The following SLC5A4 variants were observed in gnomAD, a reference collection of about 807,000 sequenced individuals.
SLC5A4 encodes solute carrier family 5 member 4, also known as probable glucose sensor protein SLC5A4.
Under a neutral mutation model 70.3 loss-of-function variants are expected in SLC5A4, and 55 were observed. The ratio of observed to expected loss-of-function variants is 0.78; its 90% CI spans 0.63 to 0.98. The LOEUF (loss-of-function observed/expected upper bound fraction) is 0.98. Ranked by LOEUF, SLC5A4 falls within the 50% of genes least tolerant of loss-of-function variation. The probability of loss-of-function intolerance (pLI) is 0.00; values close to 1 mark genes in which losing one functional copy is unlikely to be tolerated. For synonymous variants in SLC5A4, 268 were observed against 305.7 expected, an observed-to-expected ratio of 0.88 and a Z score of 1.29; for missense variants, 735 against 839.2, an observed-to-expected ratio of 0.88 and a Z score of 1.53.
chr22:32,326,136 CAG>C, the SLC5A4 span, among the ~76,000 whole-genome samples: 8 of 152,320 alleles, frequency 5.3e-5, no homozygotes, highest in African/African-American at 1.7e-4. Context: ...CAGACAAAAG[CAG>C]AGGAGTCATG....
chr22:32,339,712 C>T, the SLC5A4 span, among the ~76,000 whole-genome samples: 203 of 152,316 alleles, frequency 1.3e-3, 2 homozygotes, highest in Admixed American at 8.4e-3. Flanking sequence ...AAAAGACAAA[C>T]CCCGAGAGCA....
At chr22:32,302,705 G>T in the SLC5A4 span, among the ~76,000 whole-genome samples, 24 of 152,208 alleles carry the variant, frequency 1.6e-4, no homozygotes, top group South Asian at 5.0e-3. Context: ...ACAAAACTAC[G>T]TAGACTTGAT....
the SLC5A4 span, among the ~76,000 whole-genome samples, chr22:32,286,367 TTC>T: frequency 2.0e-5 from 3 of 152,182 alleles, no homozygotes; most frequent in Non-Finnish European, 4.4e-5. Context: ...GCCTCCTTTA[TTC>T]TGTTTCCCTT....
chr22:32,273,791 ACAAG>A, the SLC5A4 span, among the ~76,000 whole-genome samples: 3 of 150,950 alleles, frequency 2.0e-5, no homozygotes, highest in South Asian at 6.2e-4. Flanking sequence ...AAACAAACAA[ACAAG>A]CAAACAAAAA....
chr22:32,316,257 A>G, the SLC5A4 span, among the ~76,000 whole-genome samples: 3 of 149,188 alleles, frequency 2.0e-5, no homozygotes, highest in Non-Finnish European at 3.0e-5. Context: ...GCATTTTACC[A>G]TAATTTTAAA....
At chr22:32,305,476 A>C in the SLC5A4 span, among the ~76,000 whole-genome samples, 1 of 149,008 alleles carries the variant, frequency 6.7e-6, no homozygotes, top group Non-Finnish European at 1.5e-5. Context: ...GGAGAAAAAC[A>C]GTATTTGCCA....
At chr22:32,313,261 T>C in the SLC5A4 span, among the ~76,000 whole-genome samples, 2 of 152,348 alleles carry the variant, frequency 1.3e-5, no homozygotes, top group South Asian at 4.1e-4. Context: ...ACTAGGGTAA[T>C]TATATGTCAT....
chr22:32,251,828 A>G lies in SLC5A4; in HGVS notation c.254T>C (p.Val85Ala). 2 of 1,614,046 alleles carry G rather than the reference A, an allele frequency of 1.2e-6. No individual in the cohort carries two copies. Among genetic ancestry groups the G allele is most frequent in the Non-Finnish European group, 1.7e-6 (2 of 1,179,928 alleles). The change falls in exon 3 of 15, where the codon GTG becomes GCG. Residue 85 changes from valine to alanine, a missense_variant. Physicochemically the swap from Val to Ala is moderately conservative, Grantham distance 64 (BLOSUM62 0). Transcript: ENST00000266086. ...AGCTGCTCCTGTCCCAGCCAGCCCCACATAGTGGTTGCTGCCGATGTTACT... is the reference window on the plus strand; with the variant it reads ...AGCTGCTCCTGTCCCAGCCAGCCCCGCATAGTGGTTGCTGCCGATGTTACT... Reference protein sequence around the residue: ...FASNIGSNHYVGLAGTGAASG... With the variant: ...FASNIGSNHYAGLAGTGAASG...
Position 32,218,737 on chromosome 22 carries a change from A to G in SLC5A4, c.1769-12T>C, listed in dbSNP as rs1385725723. ...TTTCTCAGGATAATCTGGAACAAAG[A>G]TAAGCAAATGATTGCAGAAGATCTA... On this transcript the variant is annotated splice_polypyrimidine_tract_variant and intron_variant, in intron 14 of 14. Coordinates refer to ENST00000266086, the MANE Select transcript of SLC5A4 (RefSeq NM_014227.3). The G allele has an allele frequency of 1.9e-6, 3 of 1,600,572 alleles. No homozygotes were observed. Among genetic ancestry groups the G allele is most frequent in the Non-Finnish European group, 2.6e-6 (3 of 1,167,868 alleles).
chr22:32,264,527 T>C, the SLC5A4 span, among the ~76,000 whole-genome samples: 2 of 152,258 alleles, frequency 1.3e-5, no homozygotes, highest in Admixed American at 6.5e-5. Flanking sequence ...GCCATGATTA[T>C]GCCACTGCAT....
At chr22:32,233,427 A>C (rs1042014637) in intron 8 of SLC5A4, among the ~76,000 whole-genome samples, 1 of 152,238 alleles carries the variant, frequency 6.6e-6, no homozygotes, top group Non-Finnish European at 1.5e-5. Flanking sequence ...GCTTAGGAAG[A>C]TACTGAAGGC....
upstream of SLC5A4, chr22:32,255,400 C>G: frequency 6.5e-7 from 1 of 1,547,090 alleles, no homozygotes; most frequent in Non-Finnish European, 8.9e-7. Flanking sequence ...AATGATCAGC[C>G]TCAGGCAGGT....
chr22:32,270,581 T>A, the SLC5A4 span: 1 of 729,888 alleles, frequency 1.4e-6, no homozygotes, highest in Non-Finnish European at 2.5e-6. Context: ...CAGGAGATCA[T>A]GGAGCTGGAC....
chr22:32,309,309 C>T, the SLC5A4 span, among the ~76,000 whole-genome samples: 1,140 of 152,312 alleles, frequency 7.5e-3, 15 homozygotes, highest in Non-Finnish European at 1.0e-2. Flanking sequence ...CTTACAAACG[C>T]GGTAGTTCTG....
the SLC5A4 span, among the ~76,000 whole-genome samples, chr22:32,340,831 C>A: frequency 2.6e-5 from 4 of 152,128 alleles, no homozygotes; most frequent in African/African-American, 9.7e-5. Context: ...GCAAAGGAGA[C>A]CATCGGCACG....
At chr22:32,238,933 G>A in intron 6 of SLC5A4, 52 bp downstream of exon 6, 1 of 1,224,886 alleles carries the variant, frequency 8.2e-7, no homozygotes, top group Admixed American at 1.7e-5. Context: ...TGCAGGTTGG[G>A]GTGGGATCAG....
chr22:32,239,530 AT>A, intron 5 of SLC5A4, among the ~76,000 whole-genome samples: 1 of 8,840 alleles, frequency 1.1e-4, no homozygotes, highest in South Asian at 3.2e-3. Context: ...ATATATATAT[AT>A]ATATATATAT....
chr22:32,271,057 ATCCCTCTTC>A, the SLC5A4 span: 14 of 573,068 alleles, frequency 2.4e-5, no homozygotes, highest in South Asian at 2.5e-4. Flanking sequence ...GGGATTTGGG[ATCCCTCTTC>A]AGTCCCAGCA....
At chr22:32,308,463 GAGTC>G in the SLC5A4 span, among the ~76,000 whole-genome samples, 5 of 111,264 alleles carry the variant, frequency 4.5e-5, no homozygotes, top group African/African-American at 6.2e-5. Flanking sequence ...GCCTGTGGGG[GAGTC>G]AGTGTCAGGC....
Sources: gnomAD v4.1 joint callset for allele counts (sites outside exome capture counted in the v4.1 genomes callset) on GRCh38, gnomAD v4.1.1 for gene constraint, MANE v1.5 for transcripts, NCBI Gene and HGNC (gene_info 2026-07-23, HGNC 2026-07-21) for gene names.